Variants in ZNF705B observed in about 807,000 individuals in gnomAD.
The protein encoded by ZNF705B is Putative zinc finger protein 705D-like protein LOC100132396.
ZNF705B carries 1 observed loss-of-function variant against 10.5 expected under a neutral mutation model. The ratio of observed to expected loss-of-function variants is 0.10; its 90% confidence interval spans 0.03 to 0.45. ZNF705B has a LOEUF of 0.45. Among genes scored for constraint, ZNF705B ranks in the 20% least tolerant of loss-of-function variants. The probability of loss-of-function intolerance (pLI) is 0.97; values close to 1 mark genes in which losing one functional copy is unlikely to be tolerated. For missense variants in ZNF705B, 14 were observed against 84.0 expected (o/e 0.17, Z 3.26); for synonymous variants, 4 against 25.4 (o/e 0.16, Z 2.53).
chr8:7,928,911 A>C (rs4840823), intron 1 of ZNF705B, among the ~76,000 whole-genome samples: 95,209 of 105,288 alleles, frequency 0.9, 43,106 homozygotes, highest in East Asian at 1. Flanking sequence ...TACAAAAAGG[A>C]ATACAGAGTG....
chr8:7,940,608 G>A (rs868378890), intron 2 of ZNF705B, among the ~76,000 whole-genome samples: 5 of 137,116 alleles, frequency 3.6e-5, no homozygotes, highest in Admixed American at 1.5e-4. Flanking sequence ...CCAGCACCAG[G>A]GCCCCTGGCA....
intron 2 of ZNF705B, among the ~76,000 whole-genome samples, chr8:7,940,423 A>T (rs1473203132): frequency 4.6e-5 from 6 of 130,940 alleles, no homozygotes; most frequent in African/African-American, 1.6e-4. Context: ...CTTTATTATT[A>T]TTTTTTTTTT....
At chr8:7,941,139 G>A (rs1393366857) in intron 2 of ZNF705B, among the ~76,000 whole-genome samples, 1 of 147,164 alleles carries the variant, frequency 6.8e-6, no homozygotes, top group Non-Finnish European at 1.5e-5. Flanking sequence ...GAATAGTGCT[G>A]CAATGAACAT....
chr8:7,949,678 GT>G (rs1372309154), intron 4 of ZNF705B, among the ~76,000 whole-genome samples: 11 of 80,682 alleles, frequency 1.4e-4, no homozygotes, highest in South Asian at 1.1e-3. Context: ...TAAATCGAAT[GT>G]TTTTTTTTGT....
At chr8:7,941,268 G>A (rs2739923) in intron 2 of ZNF705B, among the ~76,000 whole-genome samples, 64 of 144,880 alleles carry the variant, frequency 4.4e-4, no homozygotes, top group African/African-American at 1.5e-3. Flanking sequence ...TCACCATACT[G>A]TCTTCCACAA....
rs2698883 is a variant in ZNF705B, at chr8:7,930,328, C to T, written c.-180C>T. 0.44 allele frequency: 34,352 copies of T among 77,898 alleles called. 4,089 individuals carry two copies. The highest frequency in any genetic ancestry group is 0.58 in the South Asian group (994 of 1,716). The allele number at this position is 77,898 out of a possible 1,614,324, so 4.8% of individuals were successfully genotyped here. On this transcript the variant is annotated 5_prime_UTR_variant, in exon 2 of 7. Coordinates refer to ENST00000400120, the MANE Select transcript of ZNF705B (RefSeq NM_001193630.1). ...AATTGATGTACACTGAAGAAAGAGC[C>T]ACCTTCAGGCTGTAAGGTCATCGTA...
At chr8:7,927,723 G>A (rs1338128906) in intron 1 of ZNF705B, among the ~76,000 whole-genome samples, 3 of 146,164 alleles carry the variant, frequency 2.1e-5, no homozygotes, top group African/African-American at 7.3e-5. Context: ...CAGAGCAAAA[G>A]TTTTGAAACC....
At chr8:7,929,970 A>G (rs1337707533) in intron 1 of ZNF705B, among the ~76,000 whole-genome samples, 1 of 95,274 alleles carries the variant, frequency 1.0e-5, no homozygotes, top group Non-Finnish European at 2.5e-5. Flanking sequence ...CATTTACTCT[A>G]TGTATGTTCA....
Position 7,932,174 on chromosome 8 carries a change from G to C in ZNF705B, c.-72+1738G>C, listed in dbSNP as rs1438141226. Among the ~76,000 whole-genome samples, 12 of 121,364 alleles carry C rather than the reference G, an allele frequency of 9.9e-5. 3 individuals are homozygous for C. Among genetic ancestry groups the C allele is most frequent in the Non-Finnish European group, 1.6e-4 (8 of 50,512 alleles). 79.6% of individuals were successfully genotyped at this position (121,364 alleles called of 152,430 possible). A position where few individuals can be genotyped will look rare whatever the true frequency, so the allele number is the denominator to read the frequency against. On this transcript the variant is annotated intron_variant, in intron 2 of 6. Transcript: ENST00000400120. ...GGCTGAGAGACTGTCCCTTGGCTAGGATTGCAGTGTCCACAGTGGGAATAT... is the reference window on the plus strand; with the variant it reads ...GGCTGAGAGACTGTCCCTTGGCTAGCATTGCAGTGTCCACAGTGGGAATAT...
At position 7,931,512 on chromosome 8, in the gene ZNF705B, A is replaced by G. The variant is rs1290747136; in HGVS notation, c.-72+1076A>G. 4.1e-5 allele frequency among the ~76,000 whole-genome samples: 5 copies of G among 122,208 alleles called. 2 individuals carry two copies. Among genetic ancestry groups the G allele is most frequent in the African/African-American group, 1.3e-4 (5 of 39,974 alleles). The allele number at this position is 122,208 out of a possible 152,430, so 80.2% of individuals were successfully genotyped here. A position where few individuals can be genotyped will look rare whatever the true frequency, so the allele number is the denominator to read the frequency against. On this transcript the variant is annotated intron_variant, in intron 2 of 6. Transcript: ENST00000400120. ...TGGGTGGGCTCATACTCAGGTCACA[A>G]GAAGGCATGCACAGGTGCCAATGAC... is the stretch of plus-strand genomic sequence containing the variant.
intron 2 of ZNF705B, among the ~76,000 whole-genome samples, chr8:7,944,918 C>T (rs1288153512): frequency 1.5e-5 from 1 of 68,864 alleles, no homozygotes; most frequent in Admixed American, 2.3e-4. Flanking sequence ...TGCGGTGAGC[C>T]GACATCGCGC....
chr8:7,930,796 C>A (rs1232814480), intron 2 of ZNF705B, among the ~76,000 whole-genome samples: 4 of 115,168 alleles, frequency 3.5e-5, no homozygotes, highest in African/African-American at 7.7e-5. Flanking sequence ...ATGCTGACCA[C>A]TTTCTGTTTA....
At chr8:7,927,604 T>C (rs2739886) in intron 1 of ZNF705B, among the ~76,000 whole-genome samples, 43,448 of 105,746 alleles carry the variant, frequency 0.41, 8,030 homozygotes, top group South Asian at 0.6. Context: ...TTTTTTTTCC[T>C]GAGACAAACA....
chr8:7,931,978 C>A (rs1327110234), intron 2 of ZNF705B, among the ~76,000 whole-genome samples: 1 of 121,218 alleles, frequency 8.2e-6, no homozygotes, highest in Non-Finnish European at 2.0e-5. Flanking sequence ...GGCTGTTGGG[C>A]CCCAGGGCAG....
chr8:7,927,827 T>C (rs1259104431), intron 1 of ZNF705B, among the ~76,000 whole-genome samples: 1 of 145,904 alleles, frequency 6.9e-6, no homozygotes, highest in Admixed American at 7.1e-5. Flanking sequence ...AGAGCTTGGC[T>C]GATTTCTCTG....
At chr8:7,931,086 C>T (rs1819834567) in intron 2 of ZNF705B, among the ~76,000 whole-genome samples, 1 of 119,808 alleles carries the variant, frequency 8.3e-6, no homozygotes, top group African/African-American at 2.5e-5. Flanking sequence ...CTCCCGACCT[C>T]GGGTGATCTG....
At chr8:7,932,346 C>G (rs562363299) in intron 2 of ZNF705B, among the ~76,000 whole-genome samples, 1 of 121,330 alleles carries the variant, frequency 8.2e-6, no homozygotes, top group East Asian at 2.3e-4. Context: ...AATTCTAGTG[C>G]CCTCTTTCGT....
At position 7,948,204 on chromosome 8, in the gene ZNF705B, A is replaced by G. The variant is rs1254766553; in HGVS notation, c.12+771A>G. Among the ~76,000 whole-genome samples the G allele has an allele frequency of 2.6e-3, 47 of 17,854 alleles. 5 individuals carry two copies. Among genetic ancestry groups the G allele is most frequent in the Admixed American group, 5.3e-3 (5 of 944 alleles). The allele number at this position is 17,854 out of a possible 152,430, so 11.7% of individuals were successfully genotyped here. ...GAGTACAATTTAGGGTTCTGTGGAA[A>G]TGCTTTATAAGGGCTGGTTACAAAA... is the stretch of plus-strand genomic sequence containing the variant. On this transcript the variant is annotated intron_variant, in intron 3 of 6. Transcript: ENST00000400120.
At chr8:7,927,753 G>A (rs1409890270) in intron 1 of ZNF705B, among the ~76,000 whole-genome samples, 4 of 147,660 alleles carry the variant, frequency 2.7e-5, no homozygotes, top group African/African-American at 9.8e-5. Flanking sequence ...TGACTTTAGA[G>A]CTCTTTTATT....
Sources: gnomAD v4.1 joint callset for allele counts (sites outside exome capture counted in the v4.1 genomes callset) on GRCh38, gnomAD v4.1.1 for gene constraint, MANE v1.5 for transcripts, NCBI Gene and HGNC (gene_info 2026-07-23, HGNC 2026-07-21) for gene names.